The following TAFA5 variants were observed in gnomAD, a reference collection of about 807,000 sequenced individuals.
The protein encoded by TAFA5 is TAFA chemokine like family member 5.
In TAFA5, 6 loss-of-function variants were observed where a neutral mutation model predicts 15.3. That is an observed-to-expected ratio of 0.39 (90% CI 0.21 to 0.77). The LOEUF (loss-of-function observed/expected upper bound fraction) is 0.77, where lower values mean the gene tolerates loss of function less well. Ranked by LOEUF, TAFA5 falls within the 30% of genes least tolerant of loss-of-function variation. The probability of loss-of-function intolerance (pLI) is 0.41; values close to 1 mark genes in which losing one functional copy is unlikely to be tolerated. For synonymous variants in TAFA5, 103 were observed against 80.7 expected (o/e 1.28, Z -1.48); for missense variants, 161 against 193.1 (o/e 0.83, Z 0.98).
intron 1 of TAFA5, among the ~76,000 whole-genome samples, chr22:48,644,467 G>A (rs1358943441): frequency 1.4e-4 from 21 of 152,222 alleles, no homozygotes; most frequent in Admixed American, 1.4e-3. Flanking sequence ...AGCTGGGGCA[G>A]GCCGGTCTGG....
At chr22:48,507,098 T>A (rs1240273614) in intron 1 of TAFA5, among the ~76,000 whole-genome samples, 1 of 149,080 alleles carries the variant, frequency 6.7e-6, no homozygotes, top group African/African-American at 2.5e-5. Flanking sequence ...GGTATGCAGT[T>A]GGAGGAGAAG....
intron 3 of TAFA5, among the ~76,000 whole-genome samples, chr22:48,730,275 T>A (rs1929832501): frequency 6.6e-6 from 1 of 152,008 alleles, no homozygotes; most frequent in African/African-American, 2.4e-5. Context: ...TCCCAGCTAC[T>A]TTCAGGAGGC....
At chr22:48,712,295 G>C (rs941168399) in intron 3 of TAFA5, among the ~76,000 whole-genome samples, 1 of 152,220 alleles carries the variant, frequency 6.6e-6, no homozygotes, top group African/African-American at 2.4e-5. Context: ...GACCTCAGGT[G>C]ATCCATCCGC....
intron 2 of TAFA5, among the ~76,000 whole-genome samples, chr22:48,655,697 G>A (rs895290926): frequency 2.0e-5 from 3 of 152,114 alleles, no homozygotes; most frequent in South Asian, 2.1e-4. Context: ...TTAGAAATAC[G>A]TGAATGTTCT....
At chr22:48,504,262 A>G (rs901418600) in intron 1 of TAFA5, among the ~76,000 whole-genome samples, 3 of 152,124 alleles carry the variant, frequency 2.0e-5, no homozygotes, top group Non-Finnish European at 2.9e-5. Flanking sequence ...TTCTCCCAGC[A>G]CTTTATCTTA....
chr22:48,542,147 G>A (rs892783518), intron 1 of TAFA5, among the ~76,000 whole-genome samples: 6 of 147,270 alleles, frequency 4.1e-5, no homozygotes, highest in Admixed American at 4.1e-4. Context: ...ATGTGTGTGT[G>A]TGGGTGTGGG....
chr22:48,691,270 C>G (rs1053758415), intron 2 of TAFA5, among the ~76,000 whole-genome samples: 1 of 152,178 alleles, frequency 6.6e-6, no homozygotes, highest in African/African-American at 2.4e-5. Context: ...CGCCTCCTCT[C>G]GTGGCTGTAA....
chr22:48,741,850 G>A (rs772453024), intron 3 of TAFA5, among the ~76,000 whole-genome samples: 5 of 152,212 alleles, frequency 3.3e-5, no homozygotes, highest in African/African-American at 7.2e-5. Flanking sequence ...GCAATAACAC[G>A]GCAGCCTTCT....
intron 1 of TAFA5, among the ~76,000 whole-genome samples, chr22:48,549,395 A>G (rs1185339509): frequency 1.3e-5 from 2 of 152,258 alleles, no homozygotes; most frequent in African/African-American, 4.8e-5. Context: ...AGCACTGAGC[A>G]GGGAGATGGG....
At chr22:48,517,719 G>C (rs1470494609) in intron 1 of TAFA5, among the ~76,000 whole-genome samples, 1 of 152,134 alleles carries the variant, frequency 6.6e-6, no homozygotes, top group East Asian at 1.9e-4. Context: ...CTGGGGCACC[G>C]AGATCCCCAC....
At position 48,566,603 on chromosome 22, in the gene TAFA5, C is replaced by G. The variant is rs1923415896; in HGVS notation, c.112+76899C>G. Among the ~76,000 whole-genome samples, 1 of 152,174 alleles carries G rather than the reference C, an allele frequency of 6.6e-6. No homozygotes were observed. The highest frequency in any genetic ancestry group is 2.4e-5 in the African/African-American group (1 of 41,418). ...GCTGCCCGGGTACACCTAGCTTTAGCCCAACCTCTCCTTCTGCTGCCATAG... is the reference window on the plus strand; with the variant it reads ...GCTGCCCGGGTACACCTAGCTTTAGGCCAACCTCTCCTTCTGCTGCCATAG... On this transcript the variant is annotated intron_variant, in intron 1 of 3. Coordinates refer to ENST00000402357, the MANE Select transcript of TAFA5 (RefSeq NM_001082967.3). This position sits in a 1 kb window ranked among gnomAD's most constrained non-coding sequence, Gnocchi z 4.5.
At chr22:48,542,489 GTGGT>G (rs1182269206) in intron 1 of TAFA5, among the ~76,000 whole-genome samples, 2 of 127,596 alleles carry the variant, frequency 1.6e-5, no homozygotes, top group Non-Finnish European at 3.3e-5. Flanking sequence ...TGGTGTGTGT[GTGGT>G]GTGTGTGCGT....
chr22:48,521,375 C>T (rs989416069), intron 1 of TAFA5, among the ~76,000 whole-genome samples: 8 of 152,140 alleles, frequency 5.3e-5, no homozygotes, highest in Non-Finnish European at 8.8e-5. Context: ...CAGACATTCT[C>T]TTGCCAGGCA....
At chr22:48,640,704 G>A (rs1247591174) in intron 1 of TAFA5, among the ~76,000 whole-genome samples, 4 of 152,346 alleles carry the variant, frequency 2.6e-5, no homozygotes, top group Non-Finnish European at 5.9e-5. Context: ...CCTGTCAGGG[G>A]TCTTCTCTGT....
chr22:48,663,415 G>T (rs536737979), intron 2 of TAFA5, among the ~76,000 whole-genome samples: 1 of 152,094 alleles, frequency 6.6e-6, no homozygotes, highest in African/African-American at 2.4e-5. Context: ...GAGGGGAGAC[G>T]CAACTGTAGG....
At chr22:48,655,984 G>A (rs941901357) in intron 2 of TAFA5, among the ~76,000 whole-genome samples, 2 of 150,378 alleles carry the variant, frequency 1.3e-5, no homozygotes, top group East Asian at 3.9e-4. Context: ...GATTACAGGC[G>A]CCTGCCACTA....
intron 2 of TAFA5, among the ~76,000 whole-genome samples, chr22:48,672,127 C>T (rs1022634): frequency 6.6e-6 from 1 of 152,026 alleles, no homozygotes; most frequent in Non-Finnish European, 1.5e-5. Context: ...ATTTTCATCT[C>T]GAAGTTTCCT....
intron 2 of TAFA5, among the ~76,000 whole-genome samples, chr22:48,655,827 A>ATTTTTTTTTTTTTTTTTTTT (rs1927217579): frequency 1.1e-5 from 1 of 89,438 alleles, no homozygotes; most frequent in Non-Finnish European, 2.1e-5. Flanking sequence ...CCAAACACTG[A>ATTTTTTTTTTTTTTTTTTTT]TTCTTTTTTT....
At chr22:48,640,704 G>C (rs1247591174) in intron 1 of TAFA5, among the ~76,000 whole-genome samples, 1 of 152,228 alleles carries the variant, frequency 6.6e-6, no homozygotes, top group African/African-American at 2.4e-5. Context: ...CCTGTCAGGG[G>C]TCTTCTCTGT....
Sources: allele counts gnomAD v4.1 joint callset (sites outside exome capture counted in the v4.1 genomes callset), GRCh38; gene constraint gnomAD v4.1.1; non-coding constraint Gnocchi (gnomAD v3.1); transcripts MANE v1.5; gene names NCBI Gene and HGNC (gene_info 2026-07-23, HGNC 2026-07-21).